Variants in ST6GAL1 observed in about 807,000 individuals in gnomAD.
ST6GAL1 encodes ST6 beta-galactoside alpha-2,6-sialyltransferase 1.
Under a neutral mutation model 38.0 loss-of-function variants are expected in ST6GAL1, and 20 were observed. That is an observed-to-expected ratio of 0.53 (90% CI 0.37 to 0.77). The LOEUF is 0.77. Ranked by LOEUF, ST6GAL1 falls within the 30% of genes least tolerant of loss-of-function variation. The pLI is 0.00. For missense variants in ST6GAL1, 432 were observed against 496.4 expected (o/e 0.87, Z 1.23); for synonymous variants, 196 against 188.2 (o/e 1.04, Z -0.34).
chr3:186,994,021 C>T (rs566848310), intron 2 of ST6GAL1, among the ~76,000 whole-genome samples: 1 of 152,278 alleles, frequency 6.6e-6, no homozygotes, highest in African/African-American at 2.4e-5. Flanking sequence ...CGGCAGGCTC[C>T]TTGCCTTCCA....
chr3:187,024,810 G>A (rs1717469975), intron 2 of ST6GAL1: 1 of 152,132 alleles, frequency 6.6e-6, no homozygotes, highest in Admixed American at 6.5e-5. Flanking sequence ...ACATCATCCA[G>A]TCATCCAAAC....
Position 187,075,540 on chromosome 3 carries a change from T to G in ST6GAL1, c.980-22T>G. 6.2e-7 allele frequency: 1 copy of G among 1,610,850 alleles called. No homozygotes were observed. The highest frequency in any genetic ancestry group is 2.2e-5 in the East Asian group (1 of 44,800). ...GCTGGGGTGGGTTGTCAGGCATGAC[T>G]CACCTCTGCTCCCCTCTCCAGGTAT... On this transcript the variant is annotated intron_variant, in intron 7 of 7. Transcript: ENST00000169298. The surrounding 1 kb of genome is among the most constrained non-coding windows in gnomAD (Gnocchi z 4.1).
At chr3:187,011,865 A>T (rs1380593724) in intron 2 of ST6GAL1, among the ~76,000 whole-genome samples, 1 of 152,180 alleles carries the variant, frequency 6.6e-6, no homozygotes, top group Non-Finnish European at 1.5e-5. Flanking sequence ...TGCTAATGGT[A>T]TTTATTTGAT....
At chr3:187,029,053 A>T (rs903744703) in intron 2 of ST6GAL1, among the ~76,000 whole-genome samples, 4 of 132,174 alleles carry the variant, frequency 3.0e-5, no homozygotes, top group Non-Finnish European at 4.7e-5. Flanking sequence ...GCCACTGTGT[A>T]CTCCAGCCTG....
chr3:187,007,638 C>T (rs1345467975), intron 2 of ST6GAL1, among the ~76,000 whole-genome samples: 3 of 152,138 alleles, frequency 2.0e-5, no homozygotes, highest in Admixed American at 2.0e-4. Flanking sequence ...ATCCAGGATA[C>T]AATTCAAATT....
chr3:186,989,353 C>A (rs910335100), intron 2 of ST6GAL1, among the ~76,000 whole-genome samples: 11 of 152,096 alleles, frequency 7.2e-5, no homozygotes, highest in African/African-American at 2.7e-4. Flanking sequence ...GAGTTCAGTC[C>A]AACGTATAAA....
intron 1 of ST6GAL1, among the ~76,000 whole-genome samples, chr3:186,934,547 C>T (rs1315454104): frequency 8.6e-5 from 13 of 151,750 alleles, no homozygotes; most frequent in African/African-American, 2.7e-4. Flanking sequence ...GGGGACATAG[C>T]GAGACCCTGT....
Position 186,931,541 on chromosome 3 carries a change from C to G in ST6GAL1, c.-325+707C>G, listed in dbSNP as rs541785244. Reference sequence around the variant, plus strand: ...GAAGTGGACCACCCCTCACCTTCACCTCCTGGAGGTCTCTTAGAGATGTGG... The same window carrying G: ...GAAGTGGACCACCCCTCACCTTCACGTCCTGGAGGTCTCTTAGAGATGTGG... On this transcript the variant is annotated intron_variant, in intron 1 of 7. Coordinates refer to ENST00000169298, the MANE Select transcript of ST6GAL1 (RefSeq NM_173216.2). The G allele has an allele frequency of 2.0e-5, 3 of 152,486 alleles. No homozygotes were observed. The East Asian group carries it at 5.8e-4, about 29-fold the overall frequency. 9.4% of individuals were successfully genotyped at this position (152,486 alleles called of 1,614,324 possible).
At chr3:186,933,454 A>G (rs1713832186) in intron 1 of ST6GAL1, among the ~76,000 whole-genome samples, 1 of 152,056 alleles carries the variant, frequency 6.6e-6, no homozygotes, top group Non-Finnish European at 1.5e-5. Flanking sequence ...GAACCACCGA[A>G]CGCGGGTACA....
intron 4 of ST6GAL1, among the ~76,000 whole-genome samples, chr3:187,046,678 T>C (rs1718308487): frequency 6.6e-6 from 1 of 152,168 alleles, no homozygotes; most frequent in South Asian, 2.1e-4. Flanking sequence ...GGACATATTC[T>C]TGGGCAGAAT....
intron 5 of ST6GAL1, chr3:187,071,943 T>C (rs1421573019): frequency 6.6e-6 from 1 of 152,192 alleles, no homozygotes; most frequent in African/African-American, 2.4e-5. Flanking sequence ...TGATAAATAA[T>C]TAACATTTAC....
chr3:186,930,681 G>A lies in ST6GAL1; in HGVS notation c.-478G>A, dbSNP rs962689151. 2 of 152,576 alleles carry A rather than the reference G, an allele frequency of 1.3e-5. No homozygotes were observed. The highest frequency in any genetic ancestry group is 2.9e-5 in the Non-Finnish European group (2 of 68,314). The allele number at this position is 152,576 out of a possible 1,614,324, so 9.5% of individuals were successfully genotyped here. On this transcript the variant is annotated 5_prime_UTR_variant, in exon 1 of 8. Coordinates refer to ENST00000169298, the MANE Select transcript of ST6GAL1 (RefSeq NM_173216.2). The stretch of plus-strand genomic sequence containing the variant: ...GCGTTTTCTGGAGTCACCTGGGGGA[G>A]GGGAGTCCTGGGCAGGGCCGGGCTG...
intron 2 of ST6GAL1, among the ~76,000 whole-genome samples, chr3:187,000,996 T>G (rs1716599005): frequency 6.6e-6 from 1 of 152,188 alleles, no homozygotes; most frequent in African/African-American, 2.4e-5. Context: ...GACCAGAGTG[T>G]CAGGTGAGGC....
At chr3:187,059,264 C>T (rs1400404347) in intron 5 of ST6GAL1, among the ~76,000 whole-genome samples, 1 of 152,162 alleles carries the variant, frequency 6.6e-6, no homozygotes, top group South Asian at 2.1e-4. Context: ...GAAGAATTGG[C>T]TGGCCTTGCC....
At chr3:187,004,527 T>C (rs1314463478) in intron 2 of ST6GAL1, among the ~76,000 whole-genome samples, 2 of 152,092 alleles carry the variant, frequency 1.3e-5, no homozygotes, top group South Asian at 2.1e-4. Flanking sequence ...ATAGGCAGTG[T>C]AGGAGGAAGG....
chr3:186,972,369 C>T (rs1181734046), intron 2 of ST6GAL1, among the ~76,000 whole-genome samples: 1 of 152,090 alleles, frequency 6.6e-6, no homozygotes. Context: ...ATGTCTCAGC[C>T]TCCCAAGTAG....
chr3:187,066,141 G>A (rs1399822704), intron 5 of ST6GAL1, among the ~76,000 whole-genome samples: 2 of 152,122 alleles, frequency 1.3e-5, no homozygotes, highest in Admixed American at 6.6e-5. Flanking sequence ...TGGTGAGCTG[G>A]GTGATTTTGA....
At position 187,076,081 on chromosome 3, in the gene ST6GAL1, G is replaced by A. The variant is rs1719551739; in HGVS notation, c.*278G>A. 2.4e-6 allele frequency: 1 copy of A among 419,052 alleles called. No individual in the cohort carries two copies. The highest frequency in any genetic ancestry group is 4.3e-6 in the Non-Finnish European group (1 of 231,632). The allele number at this position is 419,052 out of a possible 1,614,324, so 26.0% of individuals were successfully genotyped here. On this transcript the variant is annotated 3_prime_UTR_variant, in exon 8 of 8. Transcript: ENST00000169298. ...AGCATCCTCCCCGCCTTCCACCTTG[G>A]TAGATGCAAGGTCTATCTCTCCCAT...
At chr3:186,958,673 C>T (rs778464367) in intron 1 of ST6GAL1, among the ~76,000 whole-genome samples, 5 of 152,122 alleles carry the variant, frequency 3.3e-5, no homozygotes, top group African/African-American at 7.2e-5. Context: ...CTCAATGTGC[C>T]GGGTGCTGTG....
Sources: allele counts gnomAD v4.1 joint callset (sites outside exome capture counted in the v4.1 genomes callset), GRCh38; gene constraint gnomAD v4.1.1; non-coding constraint Gnocchi (gnomAD v3.1); transcripts MANE v1.5; gene names NCBI Gene and HGNC (gene_info 2026-07-23, HGNC 2026-07-21).